Variants in NEBL observed in about 807,000 individuals in gnomAD.
NEBL encodes nebulette.
In NEBL, 122 loss-of-function variants were observed where a neutral mutation model predicts 140.2. The ratio of observed to expected loss-of-function variants is 0.87; its 90% CI spans 0.75 to 1.01. NEBL has a LOEUF of 1.01. Ranked by LOEUF, NEBL falls within the 50% of genes least tolerant of loss-of-function variation. The probability of loss-of-function intolerance (pLI) is 0.00; values close to 1 mark genes in which losing one functional copy is unlikely to be tolerated. For missense variants in NEBL, 1,365 were observed against 1,231.3 expected (o/e 1.11, Z -1.62); for synonymous variants, 436 against 398.9 (o/e 1.09, Z -1.11).
rs1014733812 is a variant in NEBL at position 20,808,416 on chromosome 10, T to C, written c.2761+94A>G. 4 of 1,256,910 alleles carry C rather than the reference T, an allele frequency of 3.2e-6. No individual in the cohort carries two copies. The African/African-American group carries it at 4.4e-5, about 14-fold the overall frequency. The allele number at this position is 1,256,910 out of a possible 1,614,324, so 77.9% of individuals were successfully genotyped here. On this transcript the variant is annotated intron_variant, in intron 26 of 27. Transcript: ENST00000377122. ...AATTCTCAAATACAGCCAGGATAGA[T>C]GTTCATGCAAAAGTGAAAAGAATTT...
rs769479569 is a variant in NEBL at position 20,835,561 on chromosome 10, G to A, written c.1401C>T (p.Asp467=). ...TCTTGGCATGCTGCATTTCAAGGGT[G>A]TCAGTGCCAGCTTGCATTCCTTTCC... ...IKGKGMQAGT[D]TLEMQHAKKA... Residue 467 remains aspartate, a synonymous_variant, in exon 14 of 28, where the codon GAC becomes GAT. Coordinates refer to ENST00000377122, the MANE Select transcript of NEBL (RefSeq NM_006393.3). 1.2e-6 allele frequency: 2 copies of A among 1,612,786 alleles called. No homozygotes were observed. The highest frequency in any genetic ancestry group is 1.7e-6 in the Non-Finnish European group (2 of 1,179,922).
At chr10:21,155,690 T>C (rs1339652428) in intron 2 of NEBL, among the ~76,000 whole-genome samples, 1 of 152,118 alleles carries the variant, frequency 6.6e-6, no homozygotes, top group Admixed American at 6.5e-5. Context: ...GCTCAAACAA[T>C]TGACACACCT....
intron 3 of NEBL, among the ~76,000 whole-genome samples, chr10:21,202,455 CTTTTTCT>C (rs1841752743): frequency 8.0e-6 from 1 of 125,382 alleles, no homozygotes; most frequent in Admixed American, 7.7e-5. Context: ...TTTTTCTTTT[CTTTTTCT>C]TTTTTTTTTT....
At chr10:20,831,048 T>A in intron 16 of NEBL, 148 bp downstream of exon 16, 1 of 674,412 alleles carries the variant, frequency 1.5e-6, no homozygotes, top group South Asian at 1.6e-5. Flanking sequence ...GTACGGTTAA[T>A]CAAGTTTGGC....
intron 3 of NEBL, among the ~76,000 whole-genome samples, chr10:20,994,595 C>T (rs1462455779): frequency 6.6e-6 from 1 of 152,160 alleles, no homozygotes; most frequent in Non-Finnish European, 1.5e-5. Context: ...CCCCCCCGTA[C>T]ACTCAAAAAT....
intron 3 of NEBL, among the ~76,000 whole-genome samples, chr10:20,999,231 C>T (rs1837789058): frequency 6.6e-6 from 1 of 151,100 alleles, no homozygotes; most frequent in Non-Finnish European, 1.5e-5. Context: ...TTTATTCCAA[C>T]AATCATTTAT....
intron 3 of NEBL, among the ~76,000 whole-genome samples, chr10:21,012,386 G>T (rs1437575533): frequency 6.6e-6 from 1 of 152,030 alleles, no homozygotes; most frequent in African/African-American, 2.4e-5. Flanking sequence ...TAGAGACAGG[G>T]TCTCACTCTG....
chr10:20,881,473 A>G (rs1406391715), intron 4 of NEBL, among the ~76,000 whole-genome samples: 1 of 152,214 alleles, frequency 6.6e-6, no homozygotes, highest in Non-Finnish European at 1.5e-5. Context: ...TTTCCTCCAT[A>G]CTAGGATGGA....
intron 4 of NEBL, among the ~76,000 whole-genome samples, chr10:20,885,009 C>T (rs1846371730): frequency 6.6e-6 from 1 of 152,208 alleles, no homozygotes; most frequent in African/African-American, 2.4e-5. Flanking sequence ...ATCTAGCTAA[C>T]TTTATCATTC....
At chr10:21,134,921 TG>T (rs1346014466) in intron 2 of NEBL, among the ~76,000 whole-genome samples, 1 of 152,232 alleles carries the variant, frequency 6.6e-6, no homozygotes, top group African/African-American at 2.4e-5. Flanking sequence ...AAAATCCGTT[TG>T]TGGTCTATGT....
chr10:21,166,613 T>A (rs1160659665), intron 2 of NEBL, among the ~76,000 whole-genome samples: 1 of 152,176 alleles, frequency 6.6e-6, no homozygotes, highest in Non-Finnish European at 1.5e-5. Context: ...CTACGGCCTA[T>A]CCTAGTGTTG....
upstream of NEBL, among the ~76,000 whole-genome samples, chr10:21,177,502 C>T (rs1217335273): frequency 6.6e-6 from 1 of 151,868 alleles, no homozygotes; most frequent in Non-Finnish European, 1.5e-5. Context: ...AATGAATTTA[C>T]ATAAAAGATT....
chr10:21,137,140 A>G (rs1176777029), intron 2 of NEBL, among the ~76,000 whole-genome samples: 5 of 152,204 alleles, frequency 3.3e-5, no homozygotes, highest in South Asian at 2.1e-4. Context: ...TGACTCTATC[A>G]CTTACTGGCC....
chr10:21,035,569 A>C (rs1446705504), intron 2 of NEBL, among the ~76,000 whole-genome samples: 1 of 152,094 alleles, frequency 6.6e-6, no homozygotes, highest in Non-Finnish European at 1.5e-5. Flanking sequence ...TTAAACTAAA[A>C]CTCAATAGGT....
At chr10:20,918,285 A>C (rs1433666638) in intron 4 of NEBL, among the ~76,000 whole-genome samples, 1 of 151,942 alleles carries the variant, frequency 6.6e-6, no homozygotes, top group Non-Finnish European at 1.5e-5. Flanking sequence ...TTGAACCCAG[A>C]AGGCAGAGAT....
chr10:20,948,003 C>T (rs1378184413), intron 4 of NEBL, among the ~76,000 whole-genome samples: 1 of 152,162 alleles, frequency 6.6e-6, no homozygotes, highest in Admixed American at 6.5e-5. Flanking sequence ...GTATAAATCT[C>T]ATAATGTTTT....
At chr10:21,285,716 A>G (rs945060243) in intron 1 of NEBL, among the ~76,000 whole-genome samples, 2 of 152,202 alleles carry the variant, frequency 1.3e-5, no homozygotes, top group Non-Finnish European at 2.9e-5. Context: ...AAGCTGTTCT[A>G]CTTCCAGGAA....
intron 26 of NEBL, among the ~76,000 whole-genome samples, chr10:20,805,208 G>T (rs1837495676): frequency 6.6e-6 from 1 of 152,182 alleles, no homozygotes; most frequent in African/African-American, 2.4e-5. Flanking sequence ...TCAGAAAGGA[G>T]ATTTCTGCAG....
chr10:20,785,736 G>A lies in NEBL; in HGVS notation c.*11C>T, dbSNP rs765467164. The A allele has an allele frequency of 6.2e-7, 1 of 1,612,578 alleles. No homozygotes were observed. The highest frequency in any genetic ancestry group is 8.5e-7 in the Non-Finnish European group (1 of 1,179,382). On this transcript the variant is annotated 3_prime_UTR_variant, in exon 28 of 28. Coordinates refer to ENST00000377122, the MANE Select transcript of NEBL (RefSeq NM_006393.3). ...ACATTAGAATAAAGCTCAAAGGGCA[G>A]GGAGAAATAATTAATTAACAAACTC...
Sources: gnomAD v4.1 joint callset for allele counts (sites outside exome capture counted in the v4.1 genomes callset) on GRCh38, gnomAD v4.1.1 for gene constraint, MANE v1.5 for transcripts, NCBI Gene and HGNC (gene_info 2026-07-23, HGNC 2026-07-21) for gene names.